The following LTBP4 variants were observed in gnomAD, a reference collection of about 807,000 sequenced individuals.
The protein encoded by LTBP4 is latent transforming growth factor beta binding protein 4.
LTBP4 carries 93 observed loss-of-function variants against 180.2 expected under a neutral mutation model. The ratio of observed to expected loss-of-function variants is 0.52; its 90% CI spans 0.44 to 0.61. LTBP4 has a LOEUF of 0.61. LTBP4 is among the 20% of genes least tolerant of loss of function. The probability of loss-of-function intolerance (pLI) is 0.00; values close to 1 mark genes in which losing one functional copy is unlikely to be tolerated. For missense variants in LTBP4, 2,116 were observed against 2,256.5 expected, an observed-to-expected ratio of 0.94 and a Z score of 1.26; for synonymous variants, 947 against 934.5, an observed-to-expected ratio of 1.01 and a Z score of -0.24.
rs754293231 is a variant in LTBP4 at position 40,627,885 on chromosome 19, G to T, written c.4519+28G>T. On this transcript the variant is annotated intron_variant, in intron 29 of 29. Transcript: ENST00000396819. Reference sequence around the variant, plus strand: ...GAGGGCGGGCCCGGGGCCAGCATGCGCAGGGAGAGGCGAGGCTTGTCCAGG... The same window carrying T: ...GAGGGCGGGCCCGGGGCCAGCATGCTCAGGGAGAGGCGAGGCTTGTCCAGG... 1.0e-5 allele frequency: 16 copies of T among 1,543,934 alleles called. No homozygotes were observed. In the Admixed American group the frequency reaches 2.9e-4, roughly 28 times the overall value.
intron 19 of LTBP4, among the ~76,000 whole-genome samples, chr19:40,614,927 C>T (rs1324376584): frequency 6.6e-6 from 1 of 152,196 alleles, no homozygotes; most frequent in African/African-American, 2.4e-5. Flanking sequence ...AGGTGAAATT[C>T]TCCTAGCATT....
intron 19 of LTBP4, among the ~76,000 whole-genome samples, chr19:40,615,787 GGGGCACCTTACTATATGTT>G (rs1371589511): frequency 1.3e-5 from 2 of 152,112 alleles, no homozygotes; most frequent in African/African-American, 2.4e-5. Context: ...AAAAAACTGG[GGGGCACCTTACTATATGTT>G]GGGCACTGGA....
upstream of LTBP4, chr19:40,597,316 GCCAGCCCCAGCC>G (rs1030018396): frequency 2.0e-6 from 3 of 1,525,402 alleles, no homozygotes; most frequent in Non-Finnish European, 2.6e-6. Flanking sequence ...CACCTCCGCC[GCCAGCCCCAGCC>G]CCAGCCCCAG....
intron 22 of LTBP4, among the ~76,000 whole-genome samples, chr19:40,620,366 G>A (rs1208945868): frequency 6.6e-6 from 1 of 151,958 alleles, no homozygotes; most frequent in Non-Finnish European, 1.5e-5. Context: ...AGCCTGCTGA[G>A]TAACTGGGAC....
chr19:40,594,232 T>C (rs1402502076), intron 1 of LTBP4, among the ~76,000 whole-genome samples: 2 of 147,962 alleles, frequency 1.4e-5, no homozygotes, highest in African/African-American at 5.0e-5. Context: ...ATTAACTCTG[T>C]GTGTTTTTGT....
At position 40,605,263 on chromosome 19, in the gene LTBP4, G is replaced by C. The variant is rs2081450935; in HGVS notation, c.442+37G>C. 1.9e-6 allele frequency: 3 copies of C among 1,562,768 alleles called. No homozygotes were observed. Among genetic ancestry groups the C allele is most frequent in the Admixed American group, 1.9e-5 (1 of 52,506 alleles). On this transcript the variant is annotated intron_variant, in intron 2 of 29. Coordinates refer to ENST00000396819, the MANE Select transcript of LTBP4 (RefSeq NM_001042545.2). This position sits in a 1 kb window ranked among gnomAD's most constrained non-coding sequence, Gnocchi z 5.5. ...GTGGCCAGAGTCCCCTCCGACCCCTGTCAAGCATTTCACTTTGCCCCTGAC... is the reference window on the plus strand; with the variant it reads ...GTGGCCAGAGTCCCCTCCGACCCCTCTCAAGCATTTCACTTTGCCCCTGAC...
intron 28 of LTBP4, 128 bp from the exon 29 acceptor site, chr19:40,627,577 C>G (rs1005796120): frequency 4.5e-4 from 609 of 1,352,852 alleles, no homozygotes; most frequent in Non-Finnish European, 5.7e-4. Flanking sequence ...CCGCAGCACC[C>G]GCCACAGCCC....
chr19:40,608,537 C>T lies in LTBP4; in HGVS notation c.1360C>T (p.Arg454Trp), dbSNP rs367730890. Reference sequence around the variant, plus strand: ...CCGGCCTGAACCCCGGCCCGATCCCCGGCCCGGCCCTGAGCTTCCCTTGCC... The same window carrying T: ...CCGGCCTGAACCCCGGCCCGATCCCTGGCCCGGCCCTGAGCTTCCCTTGCC... ...EPRPEPRPDP[R>W]PGPELPLPSI... The change falls in exon 9 of 30, where the codon CGG becomes TGG. Residue 454 changes from arginine to tryptophan, a missense_variant. By Grantham distance (101) the Arg-to-Trp change is moderately radical. This residue lies in a region of LTBP4 where 877 missense variants were observed against 873.6 expected (regional missense o/e 1.00). Transcript: ENST00000396819. 58 of 1,606,240 alleles carry T rather than the reference C, an allele frequency of 3.6e-5. No homozygotes were observed. The highest frequency in any genetic ancestry group is 3.3e-4 in the Middle Eastern group (2 of 6,076).
At chr19:40,617,261 G>A (rs1034755445) in intron 21 of LTBP4, 36 bp downstream of exon 21, 3 of 1,596,686 alleles carry the variant, frequency 1.9e-6, no homozygotes, top group African/African-American at 2.7e-5. Context: ...GACCAAAGGG[G>A]GTGGGGGAGG....
rs559473629 is a variant in LTBP4 at position 40,624,754 on chromosome 19, T to C, written c.3832+672T>C. Among the ~76,000 whole-genome samples, 32 of 152,130 alleles carry C rather than the reference T, an allele frequency of 2.1e-4. 1 individual carries two copies. The East Asian group carries it at 5.2e-3, about 25-fold the overall frequency. ...TAATTTTTAATTTTTAGTTTTATTA[T>C]TTATTTTTTACTAAGTACCACATGA... is the stretch of plus-strand genomic sequence containing the variant. On this transcript the variant is annotated intron_variant, in intron 26 of 29. Transcript: ENST00000396819.
In LTBP4 at chr19:40,622,521, G is replaced by A. The variant is rs199887429; in HGVS notation, c.3338G>A (p.Arg1113His). 3.6e-4 allele frequency: 577 copies of A among 1,613,560 alleles called. No homozygotes were observed. Among genetic ancestry groups the A allele is most frequent in the Non-Finnish European group, 1.3e-4 (157 of 1,179,792 alleles). The change falls in exon 23 of 30, where the codon CGC becomes CAC. Residue 1113 changes from arginine (R) to histidine (H), a missense_variant. By Grantham distance (29) the Arg-to-His change is conservative. This residue lies in a region of LTBP4 where 278 missense variants were observed against 373.0 expected (regional missense o/e 0.75). Coordinates refer to ENST00000396819, the MANE Select transcript of LTBP4 (RefSeq NM_001042545.2). The surrounding 1 kb of genome is among the most constrained non-coding windows in gnomAD (Gnocchi z 5.1). ...AGGCAGGGCCCTGTGGGGAGTGGGC[G>A]CCGGGAGTGCTACTTTGACACAGCG... ...TPRQGPVGSG[R>H]RECYFDTAAP...
Position 40,625,970 on chromosome 19 carries a change from TG to T in LTBP4, c.3950del (p.Gly1317AlafsTer45). On this transcript the variant is annotated frameshift_variant, in exon 27 of 30. Transcript: ENST00000396819. LOFTEE classifies it high-confidence loss of function. ...TECCCLYGEA[W>X]GMDCALCPAQ... Reference sequence around the variant, plus strand: ...GTGCTGCTGCCTGTATGGAGAGGCCTGGGGCATGGACTGCGCCCTCTGCCCT... The same window carrying T: ...GTGCTGCTGCCTGTATGGAGAGGCCTGGGCATGGACTGCGCCCTCTGCCCT... 6.2e-7 allele frequency: 1 copy of T among 1,608,734 alleles called. No homozygotes were observed. Among genetic ancestry groups the T allele is most frequent in the Non-Finnish European group, 8.5e-7 (1 of 1,177,822 alleles).
chr19:40,621,270 C>T (rs1298929082), intron 22 of LTBP4, among the ~76,000 whole-genome samples: 5 of 152,150 alleles, frequency 3.3e-5, no homozygotes, highest in Non-Finnish European at 5.9e-5. Context: ...ACCCTTGTAC[C>T]TCTGTCCCTC....
Position 40,601,543 on chromosome 19 carries a change from C to A in LTBP4, c.156C>A (p.Ser52=). 6.7e-7 allele frequency: 1 copy of A among 1,487,658 alleles called. No individual in the cohort carries two copies. The highest frequency in any genetic ancestry group is 8.9e-7 in the Non-Finnish European group (1 of 1,125,566). The allele number at this position is 1,487,658 out of a possible 1,614,324, so 92.2% of individuals were successfully genotyped here. A position where few individuals can be genotyped will look rare whatever the true frequency, so the allele number is the denominator to read the frequency against. Residue 52 remains serine, a synonymous_variant, in exon 1 of 30, where the codon TCC becomes TCA. Transcript: ENST00000396819. ...GLRCVHGPTG[S]RCTPTCAPRN... is the part of the protein sequence containing the mutation. ...GCTGCGTCCATGGGCCGACCGGCTC[C>A]CGCTGTACCCCGACCTGCGCGCCCC...
intron 1 of LTBP4, among the ~76,000 whole-genome samples, chr19:40,595,306 T>C (rs2081384307): frequency 6.6e-6 from 1 of 152,072 alleles, no homozygotes; most frequent in Non-Finnish European, 1.5e-5. Flanking sequence ...GCCTTGAATT[T>C]ATAATGATCT....
At chr19:40,617,448 A>C (rs2081558386) in intron 21 of LTBP4, among the ~76,000 whole-genome samples, 1 of 152,146 alleles carries the variant, frequency 6.6e-6, no homozygotes, top group Admixed American at 6.6e-5. Flanking sequence ...GTTTGAAACC[A>C]GCCTGGTCAA....
At chr19:40,606,665 C>A in intron 6 of LTBP4, 139 bp downstream of exon 6, 1 of 1,055,418 alleles carries the variant, frequency 9.5e-7, no homozygotes, top group Non-Finnish European at 1.4e-6. Flanking sequence ...CCCCTCAGAA[C>A]TTCTCAGATT....
At position 40,626,979 on chromosome 19, in the gene LTBP4, C is replaced by T; in HGVS notation, c.3990C>T (p.Asp1330=). Residue 1330 remains aspartate, a synonymous_variant, in exon 28 of 30, where the codon GAC becomes GAT. Coordinates refer to ENST00000396819, the MANE Select transcript of LTBP4 (RefSeq NM_001042545.2). ...TGCCTTGGCTCCTGTTCCCAGATGA[C>T]TTCGAGGCCCTGTGCAATGTGCTAC... ...CALCPAQDSD[D]FEALCNVLRP... The T allele has an allele frequency of 6.4e-7, 1 of 1,550,630 alleles. No individual in the cohort carries two copies. The highest frequency in any genetic ancestry group is 1.4e-5 in the African/African-American group (1 of 73,574).
At position 40,620,489 on chromosome 19, in the gene LTBP4, A is replaced by G. The variant is rs976952214; in HGVS notation, c.3217+996A>G. On this transcript the variant is annotated intron_variant, in intron 22 of 29. Transcript: ENST00000396819. ...TTTTTTTAATTTTTAAATGTTACAT[A>G]TTTAGGCTAGGATTGGTGGCTGAAG... 5.3e-5 allele frequency among the ~76,000 whole-genome samples: 8 copies of G among 150,586 alleles called. No individual in the cohort carries two copies. In the South Asian group the frequency reaches 1.7e-3, roughly 31 times the overall value.
Sources: allele counts gnomAD v4.1 joint callset (sites outside exome capture counted in the v4.1 genomes callset), GRCh38; gene constraint gnomAD v4.1.1; regional missense constraint gnomAD v4.1.1; non-coding constraint Gnocchi (gnomAD v3.1); transcripts MANE v1.5; gene names NCBI Gene and HGNC (gene_info 2026-07-23, HGNC 2026-07-21).